Variants in ZNF385B observed in about 807,000 individuals in gnomAD.
ZNF385B encodes zinc finger protein 533.
In ZNF385B, 23 loss-of-function variants were observed where a neutral mutation model predicts 39.2. The observed-to-expected ratio is 0.59, with a 90% confidence interval of 0.42 to 0.83. ZNF385B has a LOEUF of 0.83. ZNF385B is among the 40% of genes least tolerant of loss of function. ZNF385B has a pLI of 0.00. For synonymous variants in ZNF385B, 205 were observed against 222.6 expected, an observed-to-expected ratio of 0.92 and a Z score of 0.70; for missense variants, 552 against 598.9, an observed-to-expected ratio of 0.92 and a Z score of 0.82.
intron 3 of ZNF385B, among the ~76,000 whole-genome samples, chr2:179,759,443 G>C (rs901161651): frequency 6.6e-5 from 10 of 152,096 alleles, no homozygotes; most frequent in African/African-American, 1.7e-4. Context: ...CTGTACCTCT[G>C]TTCCCATAGG....
At chr2:179,447,303 G>A (rs2049598385) in intron 6 of ZNF385B, among the ~76,000 whole-genome samples, 1 of 152,160 alleles carries the variant, frequency 6.6e-6, no homozygotes, top group Non-Finnish European at 1.5e-5. Context: ...TTGCTGCTCT[G>A]TGGATGGCAA....
chr2:179,835,089 T>C (rs754275689), intron 1 of ZNF385B, among the ~76,000 whole-genome samples: 6 of 152,086 alleles, frequency 3.9e-5, no homozygotes, highest in Non-Finnish European at 7.4e-5. Flanking sequence ...ATCTGGAAAA[T>C]GTAAGCATAG....
intron 1 of ZNF385B, among the ~76,000 whole-genome samples, chr2:179,821,100 A>T (rs1264481283): frequency 6.6e-6 from 1 of 152,144 alleles, no homozygotes; most frequent in African/African-American, 2.4e-5. Flanking sequence ...ATTAAAGAAA[A>T]ATTGCCAATC....
At chr2:179,764,932 T>G (rs575178481) in intron 3 of ZNF385B, among the ~76,000 whole-genome samples, 19 of 152,332 alleles carry the variant, frequency 1.2e-4, no homozygotes, top group African/African-American at 4.1e-4. Flanking sequence ...AGACTCAAAT[T>G]GAAACATCAG....
intron 3 of ZNF385B, among the ~76,000 whole-genome samples, chr2:179,764,388 T>C (rs1703572394): frequency 6.6e-6 from 1 of 152,156 alleles, no homozygotes; most frequent in Non-Finnish European, 1.5e-5. Flanking sequence ...GTTGGGTTTT[T>C]TTTTAATGCA....
At chr2:179,504,777 G>A (rs1355720487) in intron 5 of ZNF385B, among the ~76,000 whole-genome samples, 11 of 151,242 alleles carry the variant, frequency 7.3e-5, no homozygotes, top group Admixed American at 2.6e-4. Flanking sequence ...CCCGCACGTT[G>A]TGCACATGTA....
At chr2:179,726,123 C>G (rs1022827774) in intron 3 of ZNF385B, among the ~76,000 whole-genome samples, 1 of 151,916 alleles carries the variant, frequency 6.6e-6, no homozygotes, top group African/African-American at 2.4e-5. Flanking sequence ...CCACAACAAC[C>G]TTCTCAACTT....
intron 5 of ZNF385B, among the ~76,000 whole-genome samples, chr2:179,509,993 T>A (rs1450479303): frequency 6.6e-6 from 1 of 152,220 alleles, no homozygotes; most frequent in Non-Finnish European, 1.5e-5. Context: ...AGGTTTTGCA[T>A]GAGAGGCTAC....
rs1209768771 is a variant in ZNF385B, at chr2:179,861,446, C to G, written c.-500G>C. 1 of 151,446 alleles carries G rather than the reference C, an allele frequency of 6.6e-6. No homozygotes were observed. Among genetic ancestry groups the G allele is most frequent in the African/African-American group, 2.4e-5 (1 of 41,264 alleles). 9.4% of individuals were successfully genotyped at this position (151,446 alleles called of 1,614,324 possible). On this transcript the variant is annotated 5_prime_UTR_variant, in exon 1 of 10. Transcript: ENST00000410066. ...GCCCGCTGGGCGCGCCCGGCCCGGCCCGGCCCCGCCGCACGCCCGCCCCCC... is the reference window on the plus strand; with the variant it reads ...GCCCGCTGGGCGCGCCCGGCCCGGCGCGGCCCCGCCGCACGCCCGCCCCCC...
rs1477270284 is a variant in ZNF385B at position 179,670,430 on chromosome 2, A to C, written c.298+99073T>G. On this transcript the variant is annotated intron_variant, in intron 3 of 9. Coordinates refer to ENST00000410066, the MANE Select transcript of ZNF385B (RefSeq NM_152520.6). ...ACTCTCTAGTACTTCCACCATACAG[A>C]TGTAACAGTCATAAGAAAAACTCAA... is the stretch of plus-strand genomic sequence containing the variant. Among the ~76,000 whole-genome samples the C allele has an allele frequency of 2.6e-5, 4 of 152,192 alleles. No individual in the cohort carries two copies. In the East Asian group the frequency reaches 7.7e-4, roughly 29 times the overall value.
chr2:179,537,885 T>A (rs2059686382), intron 4 of ZNF385B, among the ~76,000 whole-genome samples: 1 of 152,214 alleles, frequency 6.6e-6, no homozygotes, highest in African/African-American at 2.4e-5. Flanking sequence ...TAACTATTTT[T>A]TTTTCTAATG....
intron 1 of ZNF385B, among the ~76,000 whole-genome samples, chr2:179,782,628 C>A (rs181041017): frequency 9.0e-4 from 137 of 152,242 alleles, no homozygotes; most frequent in African/African-American, 3.2e-3. Context: ...ACAACTTCAG[C>A]AAAGTTTCAG....
intron 1 of ZNF385B, among the ~76,000 whole-genome samples, chr2:179,775,933 T>C (rs556926974): frequency 1.3e-5 from 2 of 152,290 alleles, no homozygotes; most frequent in Admixed American, 6.5e-5. Context: ...AATTGTATCG[T>C]CCCTGAAAGT....
intron 1 of ZNF385B, among the ~76,000 whole-genome samples, chr2:179,790,740 G>A (rs1417960980): frequency 6.6e-6 from 1 of 152,198 alleles, no homozygotes; most frequent in Non-Finnish European, 1.5e-5. Context: ...TCAGTCACTT[G>A]ATAGTAATCT....
intron 5 of ZNF385B, among the ~76,000 whole-genome samples, chr2:179,486,663 C>T (rs536936297): frequency 2.2e-4 from 34 of 152,266 alleles, no homozygotes; most frequent in African/African-American, 8.2e-4. Flanking sequence ...GCCTGTAAGC[C>T]CGGCACTTTG....
intron 1 of ZNF385B, among the ~76,000 whole-genome samples, chr2:179,821,604 T>C (rs187706270): frequency 3.1e-4 from 47 of 152,296 alleles, no homozygotes; most frequent in African/African-American, 1.1e-3. Flanking sequence ...GACAGAGATC[T>C]AAATAAGAAG....
Position 179,711,806 on chromosome 2 carries a change from C to T in ZNF385B, c.298+57697G>A, listed in dbSNP as rs192212569. 6.0e-5 allele frequency among the ~76,000 whole-genome samples: 9 copies of T among 149,996 alleles called. No individual in the cohort carries two copies. In the East Asian group the frequency reaches 1.8e-3, roughly 29 times the overall value. ...AGTTCTGTTCCCTACTGCAAAAATG[C>T]TATATAAACTGCATTTTTTTTAACA... is the stretch of plus-strand genomic sequence containing the variant. On this transcript the variant is annotated intron_variant, in intron 3 of 9. Transcript: ENST00000410066.
intron 4 of ZNF385B, among the ~76,000 whole-genome samples, chr2:179,537,339 G>T (rs1168868967): frequency 6.3e-5 from 9 of 143,086 alleles, no homozygotes; most frequent in South Asian, 2.2e-4. Flanking sequence ...AAATAAAAAA[G>T]AAAAGAAAAG....
intron 1 of ZNF385B, among the ~76,000 whole-genome samples, chr2:179,804,319 A>T (rs571775015): frequency 1.3e-5 from 2 of 152,316 alleles, no homozygotes; most frequent in Admixed American, 1.3e-4. Context: ...CAAAGACTCA[A>T]GTGCTTCTAA....
Sources: allele counts gnomAD v4.1 joint callset (sites outside exome capture counted in the v4.1 genomes callset), GRCh38; gene constraint gnomAD v4.1.1; transcripts MANE v1.5; gene names NCBI Gene and HGNC (gene_info 2026-07-23, HGNC 2026-07-21).